Variants in DYNC1I1 observed in about 807,000 individuals in gnomAD.
DYNC1I1 encodes cytoplasmic dynein 1 intermediate chain 1.
DYNC1I1 carries 43 observed loss-of-function variants against 86.6 expected under a neutral mutation model. The ratio of observed to expected loss-of-function variants is 0.50; its 90% CI spans 0.39 to 0.64. The LOEUF (loss-of-function observed/expected upper bound fraction) is 0.64. Ranked by LOEUF, DYNC1I1 falls within the 30% of genes least tolerant of loss-of-function variation. DYNC1I1 has a pLI of 0.00. For missense variants in DYNC1I1, 604 were observed against 788.8 expected (o/e 0.77, Z 2.81); for synonymous variants, 262 against 283.7 (o/e 0.92, Z 0.77).
At chr7:95,776,574 T>C (rs1392450811) in intron 1 of DYNC1I1, among the ~76,000 whole-genome samples, 4 of 152,232 alleles carry the variant, frequency 2.6e-5, no homozygotes, top group Non-Finnish European at 5.9e-5. Context: ...GGTTTACATA[T>C]GCTGTTTAAA....
intron 6 of DYNC1I1, among the ~76,000 whole-genome samples, chr7:95,931,271 G>C (rs1009196487): frequency 6.6e-6 from 1 of 151,496 alleles, no homozygotes; most frequent in Non-Finnish European, 1.5e-5. Context: ...TGTCTCAGCC[G>C]CCTGAGTAGC....
intron 10 of DYNC1I1, among the ~76,000 whole-genome samples, chr7:96,026,190 T>G (rs1427036968): frequency 6.6e-6 from 1 of 152,194 alleles, no homozygotes; most frequent in Non-Finnish European, 1.5e-5. Context: ...CATGAGCATG[T>G]TCTCCATTGA....
chr7:95,912,421 G>GT (rs1381786542), intron 6 of DYNC1I1, among the ~76,000 whole-genome samples: 1 of 152,216 alleles, frequency 6.6e-6, no homozygotes, highest in African/African-American at 2.4e-5. Flanking sequence ...GTTCTCCGTG[G>GT]TATGAGGACA....
chr7:96,028,469 G>A, intron 11 of DYNC1I1, 148 bp downstream of exon 11: 1 of 1,114,934 alleles, frequency 9.0e-7, no homozygotes, highest in Non-Finnish European at 1.2e-6. Flanking sequence ...TAAAAGTTGA[G>A]TGAAAAGTAG....
chr7:95,784,100 T>G (rs2115669333), intron 1 of DYNC1I1, among the ~76,000 whole-genome samples: 1 of 152,272 alleles, frequency 6.6e-6, no homozygotes, highest in African/African-American at 2.4e-5. Context: ...AAGACTTCCC[T>G]TCCTGAATTA....
intron 16 of DYNC1I1, among the ~76,000 whole-genome samples, chr7:96,104,382 C>T (rs1375607526): frequency 2.0e-5 from 3 of 151,920 alleles, no homozygotes; most frequent in African/African-American, 7.2e-5. Context: ...TTGCTGAGGT[C>T]TTTTGTATCC....
intron 6 of DYNC1I1, among the ~76,000 whole-genome samples, chr7:95,953,978 A>G (rs530273846): frequency 2.6e-5 from 4 of 152,088 alleles, no homozygotes; most frequent in Non-Finnish European, 5.9e-5. Flanking sequence ...TCTCATTAAT[A>G]TGGGCTGCTA....
In DYNC1I1 at chr7:95,984,977, G is replaced by T. The variant is rs1793549530; in HGVS notation, c.743G>T (p.Gly248Val). The change falls in exon 8 of 17, where the codon GGG (glycine) becomes GTG (valine). Residue 248 changes from glycine (G) to valine (V), a missense_variant and splice_region_variant. Gly to Val is a moderately radical substitution (Grantham distance 109). Transcript: ENST00000447467. The stretch of plus-strand genomic sequence containing the variant: ...GGCCGAGAGTTAGAGGAAAAAGATG[G>T]GTTAGTCTCTTGTGTGCATTCTTTA... ...YSGRELEEKD[G>V]DVQAGANLSF... The T allele has an allele frequency of 1.9e-6, 3 of 1,611,974 alleles. No individual in the cohort carries two copies. The highest frequency in any genetic ancestry group is 8.5e-7 in the Non-Finnish European group (1 of 1,179,240).
chr7:95,894,784 G>A (rs376113322), intron 6 of DYNC1I1, among the ~76,000 whole-genome samples: 1 of 152,210 alleles, frequency 6.6e-6, no homozygotes, highest in Non-Finnish European at 1.5e-5. Flanking sequence ...CCTGCTGGTT[G>A]TGGAAACATT....
At chr7:95,878,229 A>C (rs1202196714) in intron 6 of DYNC1I1, among the ~76,000 whole-genome samples, 2 of 152,204 alleles carry the variant, frequency 1.3e-5, no homozygotes, top group Admixed American at 6.5e-5. Flanking sequence ...ACTGCCTGTG[A>C]GGGCAACTAG....
intron 14 of DYNC1I1, among the ~76,000 whole-genome samples, chr7:96,040,370 A>G (rs1029568458): frequency 6.6e-6 from 1 of 152,232 alleles, no homozygotes; most frequent in African/African-American, 2.4e-5. Context: ...AGTGACTTAA[A>G]CCAGTAGTCT....
intron 1 of DYNC1I1, among the ~76,000 whole-genome samples, chr7:95,803,214 T>A (rs1794623144): frequency 6.6e-6 from 1 of 152,206 alleles, no homozygotes; most frequent in Non-Finnish European, 1.5e-5. Flanking sequence ...TGATAATGAA[T>A]GTCAAAGGCC....
chr7:96,076,888 T>C (rs1489140213), intron 15 of DYNC1I1, among the ~76,000 whole-genome samples: 2 of 152,268 alleles, frequency 1.3e-5, no homozygotes, highest in East Asian at 3.8e-4. Flanking sequence ...TAAATTATGC[T>C]ATAAAAATTT....
chr7:95,874,037 A>C (rs985931389), intron 6 of DYNC1I1, among the ~76,000 whole-genome samples: 1 of 152,230 alleles, frequency 6.6e-6, no homozygotes, highest in African/African-American at 2.4e-5. Flanking sequence ...TCAACCTGTC[A>C]TCTATTTCTT....
intron 10 of DYNC1I1, among the ~76,000 whole-genome samples, chr7:96,013,737 G>A (rs1794334704): frequency 1.3e-5 from 2 of 152,188 alleles, no homozygotes; most frequent in South Asian, 4.1e-4. Flanking sequence ...GGGATTAGCA[G>A]GTAATTTGTT....
chr7:96,064,210 A>ATC (rs10557179), intron 14 of DYNC1I1, among the ~76,000 whole-genome samples: 7,409 of 140,828 alleles, frequency 0.053, 164 homozygotes, highest in Middle Eastern at 0.077. Flanking sequence ...AAATATTCAT[A>ATC]TCTCTCTCTC....
At chr7:96,072,093 T>G (rs1311663424) in intron 14 of DYNC1I1, among the ~76,000 whole-genome samples, 1 of 152,204 alleles carries the variant, frequency 6.6e-6, no homozygotes, top group African/African-American at 2.4e-5. Flanking sequence ...AGAGATTTTA[T>G]GCGGATTAAA....
chr7:96,031,300 A>G (rs1276743379), intron 11 of DYNC1I1, among the ~76,000 whole-genome samples: 1 of 152,186 alleles, frequency 6.6e-6, no homozygotes, highest in Admixed American at 6.5e-5. Flanking sequence ...CCCAAGGAAC[A>G]GATGAAGGAA....
chr7:96,042,566 A>G (rs1789081054), intron 14 of DYNC1I1, among the ~76,000 whole-genome samples: 1 of 152,198 alleles, frequency 6.6e-6, no homozygotes, highest in Admixed American at 6.5e-5. Context: ...ATGCTACCAA[A>G]CACTACAAAG....
Sources: gnomAD v4.1 joint callset for allele counts (sites outside exome capture counted in the v4.1 genomes callset) on GRCh38, gnomAD v4.1.1 for gene constraint, MANE v1.5 for transcripts, NCBI Gene and HGNC (gene_info 2026-07-23, HGNC 2026-07-21) for gene names.